The following NIPA1 variants were observed in gnomAD, a reference collection of about 807,000 sequenced individuals.
NIPA1 encodes the protein magnesium transporter NIPA1.
A neutral mutation model predicts 23.9 loss-of-function variants in NIPA1; 13 were observed. The observed-to-expected ratio is 0.54, with a 90% CI of 0.35 to 0.87. The LOEUF is 0.87. Ranked by LOEUF, NIPA1 falls within the 40% of genes least tolerant of loss-of-function variation. NIPA1 has a pLI of 0.01. For synonymous variants in NIPA1, 234 were observed against 202.9 expected, an observed-to-expected ratio of 1.15 and a Z score of -1.30; for missense variants, 362 against 429.7, an observed-to-expected ratio of 0.84 and a Z score of 1.39.
Position 22,810,693 on chromosome 15 carries a change from G to C in NIPA1, c.179-56G>C, listed in dbSNP as rs1310977024. Reference sequence around the variant, plus strand: ...GTTTCTCGCTTGTAAACCTCTTCCTGATATACGTAGCTGGTAAACCCACTT... The same window carrying C: ...GTTTCTCGCTTGTAAACCTCTTCCTCATATACGTAGCTGGTAAACCCACTT... On this transcript the variant is annotated intron_variant, in intron 1 of 4. Transcript: ENST00000337435. 5.0e-6 allele frequency: 5 copies of C among 1,007,422 alleles called. No individual in the cohort carries two copies. The East Asian group carries it at 9.5e-5, about 19-fold the overall frequency. 62.4% of individuals were successfully genotyped at this position (1,007,422 alleles called of 1,614,324 possible).
At chr15:22,799,360 A>G (rs752322796) in intron 1 of NIPA1, among the ~76,000 whole-genome samples, 2 of 152,200 alleles carry the variant, frequency 1.3e-5, no homozygotes, top group Non-Finnish European at 2.9e-5. Flanking sequence ...TGGGAGCTAA[A>G]CACATAGACA....
intron 1 of NIPA1, among the ~76,000 whole-genome samples, chr15:22,788,276 C>T (rs1327197485): frequency 1.3e-5 from 2 of 151,684 alleles, no homozygotes; most frequent in African/African-American, 4.9e-5. Flanking sequence ...CCGAGGCGGG[C>T]GGGTCACAAG....
intron 1 of NIPA1, among the ~76,000 whole-genome samples, chr15:22,800,075 A>G (rs868234960): frequency 2.0e-5 from 3 of 151,666 alleles, no homozygotes; most frequent in African/African-American, 4.8e-5. Flanking sequence ...TATGTGCACT[A>G]TTTGGGTGAT....
upstream of NIPA1, chr15:22,786,591 C>T (rs1894702976): frequency 1.2e-5 from 7 of 590,946 alleles, no homozygotes; most frequent in Non-Finnish European, 1.5e-5. Flanking sequence ...GCCTCCCGGT[C>T]ACCCCCCATC....
chr15:22,802,870 G>T (rs967870833), intron 1 of NIPA1, among the ~76,000 whole-genome samples: 1 of 152,148 alleles, frequency 6.6e-6, no homozygotes, highest in Non-Finnish European at 1.5e-5. Context: ...GTGGGTATCA[G>T]CAATATGTTC....
chr15:22,788,498 CA>C (rs905296655), intron 1 of NIPA1, among the ~76,000 whole-genome samples: 323 of 89,546 alleles, frequency 3.6e-3, no homozygotes, highest in Middle Eastern at 8.3e-3. Flanking sequence ...GACTCCATCT[CA>C]AAAAAAAAAA....
intron 1 of NIPA1, among the ~76,000 whole-genome samples, chr15:22,805,028 GAT>G: frequency 6.6e-6 from 1 of 152,070 alleles, no homozygotes; most frequent in East Asian, 1.9e-4. Flanking sequence ...TTTTAGTAGA[GAT>G]AGGATTTCAC....
intron 3 of NIPA1, among the ~76,000 whole-genome samples, chr15:22,815,109 T>TA (rs919433536): frequency 3.3e-5 from 5 of 151,674 alleles, no homozygotes; most frequent in East Asian, 3.9e-4. Context: ...TTCCTGTTTT[T>TA]AAAAAAAAAT....
At chr15:22,797,356 C>T (rs1273096524) in intron 1 of NIPA1, among the ~76,000 whole-genome samples, 1 of 149,986 alleles carries the variant, frequency 6.7e-6, no homozygotes, top group Non-Finnish European at 1.5e-5. Flanking sequence ...ACTACAGGCG[C>T]CCGCCATCAC....
chr15:22,822,604 G>A (rs183255503), intron 4 of NIPA1, among the ~76,000 whole-genome samples: 126 of 152,242 alleles, frequency 8.3e-4, no homozygotes, highest in African/African-American at 2.9e-3. Flanking sequence ...CGAGGACGGC[G>A]GATCACCTAA....
intron 3 of NIPA1, among the ~76,000 whole-genome samples, chr15:22,816,389 A>G (rs1189368810): frequency 2.0e-5 from 3 of 148,996 alleles, no homozygotes; most frequent in African/African-American, 7.4e-5. Context: ...GGGTTTCACC[A>G]TGTTAGCCAG....
chr15:22,811,972 TGG>T lies in NIPA1; in HGVS notation c.227-189_227-188del, dbSNP rs1417777550. Among the ~76,000 whole-genome samples the T allele has an allele frequency of 2.0e-5, 3 of 152,220 alleles. No individual in the cohort carries two copies. In the East Asian group the frequency reaches 5.8e-4, roughly 29 times the overall value. The stretch of plus-strand genomic sequence containing the variant: ...GGGCTGAACCTACTCACCCGACTGA[TGG>T]GACCAGTGAAGGTGTGGTTCCTGAC... On this transcript the variant is annotated intron_variant, in intron 2 of 4. Transcript: ENST00000337435.
chr15:22,801,085 A>G (rs551939762), intron 1 of NIPA1, among the ~76,000 whole-genome samples: 1 of 151,976 alleles, frequency 6.6e-6, no homozygotes, highest in Non-Finnish European at 1.5e-5. Flanking sequence ...AAGAAAAAAA[A>G]AAAAAGAGGC....
intron 1 of NIPA1, among the ~76,000 whole-genome samples, chr15:22,808,688 G>A (rs377624720): frequency 0.016 from 645 of 40,938 alleles, 7 homozygotes; most frequent in Non-Finnish European, 0.024. Flanking sequence ...TCTTTTTTTT[G>A]AGACAGTGTC....
chr15:22,813,968 C>A, intron 3 of NIPA1: 1 of 461,668 alleles, frequency 2.2e-6, no homozygotes, highest in Non-Finnish European at 4.2e-6. Context: ...GCACGTGGCA[C>A]ATTGAATGCA....
intron 3 of NIPA1, among the ~76,000 whole-genome samples, chr15:22,818,235 G>A (rs1263792684): frequency 6.6e-6 from 1 of 150,864 alleles, no homozygotes; most frequent in Non-Finnish European, 1.5e-5. Flanking sequence ...TCAGGAGTTC[G>A]AGACCAGCCT....
chr15:22,821,792 C>T (rs1036627905), intron 4 of NIPA1, among the ~76,000 whole-genome samples: 5 of 152,210 alleles, frequency 3.3e-5, no homozygotes, highest in African/African-American at 1.2e-4. Flanking sequence ...GTTTGCATAG[C>T]CAGCAGTTCC....
chr15:22,821,959 T>C (rs1226194910), intron 4 of NIPA1, among the ~76,000 whole-genome samples: 1 of 152,210 alleles, frequency 6.6e-6, no homozygotes, highest in Non-Finnish European at 1.5e-5. Flanking sequence ...CCTTTCAATA[T>C]GTAAATGCTC....
intron 1 of NIPA1, among the ~76,000 whole-genome samples, chr15:22,790,221 T>G (rs1319269631): frequency 1.3e-5 from 2 of 152,198 alleles, no homozygotes; most frequent in African/African-American, 4.8e-5. Context: ...GACCACCCAG[T>G]GCCACTGATT....
Sources: allele counts gnomAD v4.1 joint callset (sites outside exome capture counted in the v4.1 genomes callset), GRCh38; gene constraint gnomAD v4.1.1; transcripts MANE v1.5; gene names NCBI Gene and HGNC (gene_info 2026-07-23, HGNC 2026-07-21).